The following CNTF variants were observed in gnomAD, a reference collection of about 807,000 sequenced individuals.
CNTF encodes Ciliary Neuronotrophic Factor.
In CNTF, 14 loss-of-function variants were observed where a neutral mutation model predicts 13.0. That is an observed-to-expected ratio of 1.07 (90% CI 0.71 to 1.68). The LOEUF is 1.68. Ranked by LOEUF, CNTF falls within the 40% of genes most tolerant of loss-of-function variation. The probability of loss-of-function intolerance (pLI) is 0.00; values close to 1 mark genes in which losing one functional copy is unlikely to be tolerated. For synonymous variants in CNTF, 98 were observed against 92.4 expected, an observed-to-expected ratio of 1.06 and a Z score of -0.35; for missense variants, 283 against 252.5, an observed-to-expected ratio of 1.12 and a Z score of -0.82.
rs761817013 is a variant in CNTF, at chr11:58,622,790, G to A, written c.38G>A (p.Arg13His). The A allele has an allele frequency of 7.4e-6, 12 of 1,613,846 alleles. No homozygotes were observed. Among genetic ancestry groups the A allele is most frequent in the African/African-American group, 1.3e-5 (1 of 74,916 alleles). Residue 13 changes from arginine (R) to histidine (H), a missense_variant, in exon 1 of 2, where the codon CGT (arginine) becomes CAT (histidine). By Grantham distance (29) the Arg-to-His change is conservative. Transcript: ENST00000361987. ...FTEHSPLTPH[R>H]RDLCSRSIWL... is the part of the protein sequence containing the mutation. Reference sequence around the variant, plus strand: ...GAGCATTCACCGCTGACCCCTCACCGTCGGGACCTCTGTAGCCGCTCTATC... The same window carrying A: ...GAGCATTCACCGCTGACCCCTCACCATCGGGACCTCTGTAGCCGCTCTATC...
At position 58,624,321 on chromosome 11, in the gene CNTF, C is replaced by T; in HGVS notation, c.402C>T (p.Ile134=). The T allele has an allele frequency of 1.2e-6, 2 of 1,613,752 alleles. No individual in the cohort carries two copies. The highest frequency in any genetic ancestry group is 1.6e-4 in the Middle Eastern group (1 of 6,062). The stretch of plus-strand genomic sequence containing the variant: ...TAATGATACTCCTGGAATACAAGAT[C>T]CCCCGCAATGAGGCTGATGGGATGC... ...EELMILLEYK[I]PRNEADGMPI... is the part of the protein sequence containing the mutation. The change falls in exon 2 of 2, where the codon ATC becomes ATT. Residue 134 remains isoleucine, a synonymous_variant. Transcript: ENST00000361987.
chr11:58,622,876 C>T lies in CNTF; in HGVS notation c.114+10C>T, dbSNP rs1339722085. The T allele has an allele frequency of 1.3e-6, 2 of 1,595,376 alleles. No individual in the cohort carries two copies. Among genetic ancestry groups the T allele is most frequent in the African/African-American group, 1.3e-5 (1 of 74,532 alleles). On this transcript the variant is annotated intron_variant, in intron 1 of 1. Coordinates refer to ENST00000361987, the MANE Select transcript of CNTF (RefSeq NM_000614.4). ...TCTTACGGAATCCTATGTAAGTTGCCTATTTTGCTGTTATCTGTTTTCCCT... is the reference window on the plus strand; with the variant it reads ...TCTTACGGAATCCTATGTAAGTTGCTTATTTTGCTGTTATCTGTTTTCCCT...
At chr11:58,623,970 G>A (rs1855889026) in intron 1 of CNTF, 64 bp from the exon 2 acceptor site, 1 of 1,565,070 alleles carries the variant, frequency 6.4e-7, no homozygotes. Flanking sequence ...ATGAAATTTA[G>A]GGGTGATTTA....
chr11:58,623,973 G>T, intron 1 of CNTF, 61 bp from the exon 2 acceptor site: 2 of 1,568,230 alleles, frequency 1.3e-6, no homozygotes, highest in South Asian at 1.2e-5. Context: ...AAATTTAGGG[G>T]TGATTTAAGG....
intron 1 of CNTF, 109 bp from the exon 2 acceptor site, chr11:58,623,925 T>TG (rs1855888581): frequency 1.4e-6 from 2 of 1,447,270 alleles, no homozygotes; most frequent in South Asian, 2.7e-5. Context: ...CTTTACAACT[T>TG]GGATCCTTGG....
In CNTF at chr11:58,624,461, C is replaced by G. The variant is rs1327462471; in HGVS notation, c.542C>G (p.Ser181Cys). 6.2e-7 allele frequency: 1 copy of G among 1,614,008 alleles called. No individual in the cohort carries two copies. Among genetic ancestry groups the G allele is most frequent in the Admixed American group, 1.7e-5 (1 of 60,006 alleles). ...ATCCATGACCTTCGTTTCATTTCTT[C>G]TCATCAGACTGGGATCCCAGCACGT... is the stretch of plus-strand genomic sequence containing the variant. ...RSIHDLRFIS[S>C]HQTGIPARGS... Residue 181 changes from serine (S) to cysteine (C), a missense_variant, in exon 2 of 2, where the codon TCT becomes TGT. Ser to Cys is a moderately radical substitution (Grantham distance 112). Coordinates refer to ENST00000361987, the MANE Select transcript of CNTF (RefSeq NM_000614.4).
In CNTF at chr11:58,625,135, A is replaced by G. The variant is rs564229572; in HGVS notation, c.*613A>G. The G allele has an allele frequency of 6.5e-6, 1 of 153,186 alleles. No homozygotes were observed. The highest frequency in any genetic ancestry group is 2.1e-4 in the South Asian group (1 of 4,878). 9.5% of individuals were successfully genotyped at this position (153,186 alleles called of 1,614,324 possible). A position where few individuals can be genotyped will look rare whatever the true frequency, so the allele number is the denominator to read the frequency against. On this transcript the variant is annotated 3_prime_UTR_variant, in exon 2 of 2. Coordinates refer to ENST00000361987, the MANE Select transcript of CNTF (RefSeq NM_000614.4). ...CTCACAGAGATTTGGTTAAGCTCAC[A>G]CAGCTAACAAGTAGCACACTGAGTT... is the stretch of plus-strand genomic sequence containing the variant.
rs201519587 is a variant in CNTF at position 58,622,791 on chromosome 11, T to C, written c.39T>C (p.Arg13=). Reference sequence around the variant, plus strand: ...AGCATTCACCGCTGACCCCTCACCGTCGGGACCTCTGTAGCCGCTCTATCT... The same window carrying C: ...AGCATTCACCGCTGACCCCTCACCGCCGGGACCTCTGTAGCCGCTCTATCT... ...FTEHSPLTPH[R]RDLCSRSIWL... Residue 13 remains arginine (R), a synonymous_variant, in exon 1 of 2, where the codon CGT becomes CGC. Transcript: ENST00000361987. The C allele has an allele frequency of 3.3e-5, 54 of 1,614,016 alleles. No homozygotes were observed. The highest frequency in any genetic ancestry group is 6.7e-5 in the Admixed American group (4 of 60,008).
At chr11:58,623,888 G>T in intron 1 of CNTF, 146 bp from the exon 2 acceptor site, 1 of 1,056,780 alleles carries the variant, frequency 9.5e-7, no homozygotes, top group Non-Finnish European at 1.3e-6. Context: ...CCCAAATTAA[G>T]AGTTCCTACT....
rs1213707622 is a variant in CNTF at position 58,622,716 on chromosome 11, C to G, written c.-37C>G. ...TGGACCAGTATAGACAGAAGTAAAC[C>G]CAGCTGACTTGTTTCCTGGGACAGT... On this transcript the variant is annotated 5_prime_UTR_variant, in exon 1 of 2. Transcript: ENST00000361987. 4 of 1,481,582 alleles carry G rather than the reference C, an allele frequency of 2.7e-6. No individual in the cohort carries two copies. 91.8% of individuals were successfully genotyped at this position (1,481,582 alleles called of 1,614,324 possible).
At position 58,622,709 on chromosome 11, in the gene CNTF, A is replaced by T. The variant is rs764096705; in HGVS notation, c.-44A>T. ...TCTTATTTGGACCAGTATAGACAGA[A>T]GTAAACCCAGCTGACTTGTTTCCTG... On this transcript the variant is annotated 5_prime_UTR_variant, in exon 1 of 2. In the 5' UTR this introduces an upstream ATG that the reference lacks. Transcript: ENST00000361987. 5.0e-5 allele frequency: 71 copies of T among 1,415,284 alleles called. No homozygotes were observed. The highest frequency in any genetic ancestry group is 6.0e-5 in the Non-Finnish European group (60 of 1,001,032). 87.7% of individuals were successfully genotyped at this position (1,415,284 alleles called of 1,614,324 possible). A position where few individuals can be genotyped will look rare whatever the true frequency, so the allele number is the denominator to read the frequency against.
chr11:58,623,883 A>AT, intron 1 of CNTF, 151 bp from the exon 2 acceptor site: 1 of 1,027,722 alleles, frequency 9.7e-7, no homozygotes, highest in Non-Finnish European at 1.4e-6. Flanking sequence ...TAGAGCCCAA[A>AT]TTAAGAGTTC....
rs771265430 is a variant in CNTF, at chr11:58,624,249, T to TA, written c.331dup (p.Thr111AsnfsTer28). 1.9e-6 allele frequency: 3 copies of TA among 1,613,968 alleles called. No individual in the cohort carries two copies. Among genetic ancestry groups the TA allele is most frequent in the Non-Finnish European group, 2.5e-6 (3 of 1,179,992 alleles). On this transcript the variant is annotated frameshift_variant, in exon 2 of 2. Coordinates refer to ENST00000361987, the MANE Select transcript of CNTF (RefSeq NM_000614.4). LOFTEE classifies it high-confidence loss of function. ...AAGGTGACTTCCATCAAGCTATACA[T>TA]ACCCTTCTTCTCCAAGTCGCTGCCT... is the stretch of plus-strand genomic sequence containing the variant.
intron 1 of CNTF, among the ~76,000 whole-genome samples, chr11:58,623,804 A>G (rs1855886785): frequency 2.0e-5 from 3 of 152,220 alleles, no homozygotes; most frequent in Admixed American, 2.0e-4. Context: ...TAAAATCTGA[A>G]CATTCTTCTA....
In CNTF at chr11:58,624,488, G is replaced by A. The variant is rs370578239; in HGVS notation, c.569G>A (p.Gly190Glu). The change falls in exon 2 of 2, where the codon GGG becomes GAG. Residue 190 changes from glycine (G) to glutamate (E), a missense_variant. Gly to Glu is a moderately conservative substitution (Grantham distance 98). Transcript: ENST00000361987. ...CATCAGACTGGGATCCCAGCACGTG[G>A]GAGCCATTATATTGCTAACAACAAG... Reference protein sequence around the residue: ...SSHQTGIPARGSHYIANNKKM With the variant: ...SSHQTGIPARESHYIANNKKM The A allele has an allele frequency of 1.2e-5, 20 of 1,613,892 alleles. No homozygotes were observed. The African/African-American group carries it at 2.4e-4, about 19-fold the overall frequency.
At position 58,622,789 on chromosome 11, in the gene CNTF, C is replaced by T. The variant is rs777362153; in HGVS notation, c.37C>T (p.Arg13Cys). The T allele has an allele frequency of 1.0e-4, 169 of 1,613,852 alleles. No homozygotes were observed. The highest frequency in any genetic ancestry group is 2.2e-4 in the Admixed American group (13 of 59,984). ...AGAGCATTCACCGCTGACCCCTCAC[C>T]GTCGGGACCTCTGTAGCCGCTCTAT... is the stretch of plus-strand genomic sequence containing the variant. ...FTEHSPLTPH[R>C]RDLCSRSIWL... Residue 13 changes from arginine (R) to cysteine (C), a missense_variant, in exon 1 of 2, where the codon CGT becomes TGT. Physicochemically the swap from Arg to Cys is radical, Grantham distance 180. Coordinates refer to ENST00000361987, the MANE Select transcript of CNTF (RefSeq NM_000614.4).
Position 58,624,072 on chromosome 11 carries a change from C to T in CNTF, c.153C>T (p.Asp51=). The T allele has an allele frequency of 6.2e-7, 1 of 1,611,748 alleles. No homozygotes were observed. The highest frequency in any genetic ancestry group is 8.5e-7 in the Non-Finnish European group (1 of 1,178,828). The change falls in exon 2 of 2, where the codon GAC becomes GAT. Residue 51 remains aspartate (D), a synonymous_variant. Coordinates refer to ENST00000361987, the MANE Select transcript of CNTF (RefSeq NM_000614.4). ...HQGLNKNINL[D]SADGMPVAST... ...GCCTGAACAAGAACATCAACCTGGA[C>T]TCTGCGGATGGGATGCCAGTGGCAA...
chr11:58,625,535 C>G lies in CNTF; in HGVS notation c.*1013C>G, dbSNP rs1454304878. On this transcript the variant is annotated 3_prime_UTR_variant, in exon 2 of 2. Coordinates refer to ENST00000361987, the MANE Select transcript of CNTF (RefSeq NM_000614.4). ...TTGGGCACGGCTTATACCAGGTTAC[C>G]TCACTTTTAATTAGTGATGCAGGCA... The G allele has an allele frequency of 6.6e-6, 1 of 151,992 alleles. No homozygotes were observed. The highest frequency in any genetic ancestry group is 2.4e-5 in the African/African-American group (1 of 41,260). 9.4% of individuals were successfully genotyped at this position (151,992 alleles called of 1,614,324 possible). A position where few individuals can be genotyped will look rare whatever the true frequency, so the allele number is the denominator to read the frequency against.
rs766959317 is a variant in CNTF at position 58,624,090 on chromosome 11, A to G, written c.171A>G (p.Pro57=). Residue 57 remains proline (P), a synonymous_variant, in exon 2 of 2, where the codon CCA becomes CCG. Coordinates refer to ENST00000361987, the MANE Select transcript of CNTF (RefSeq NM_000614.4). ...ACCTGGACTCTGCGGATGGGATGCCAGTGGCAAGCACTGATCAGTGGAGTG... is the reference window on the plus strand; with the variant it reads ...ACCTGGACTCTGCGGATGGGATGCCGGTGGCAAGCACTGATCAGTGGAGTG... ...NINLDSADGM[P]VASTDQWSEL... is the part of the protein sequence containing the mutation. The G allele has an allele frequency of 4.3e-6, 7 of 1,611,588 alleles. No homozygotes were observed. The highest frequency in any genetic ancestry group is 5.9e-6 in the Non-Finnish European group (7 of 1,178,738).
Sources: gnomAD v4.1 joint callset for allele counts (sites outside exome capture counted in the v4.1 genomes callset) on GRCh38, gnomAD v4.1.1 for gene constraint, MANE v1.5 for transcripts, NCBI Gene and HGNC (gene_info 2026-07-23, HGNC 2026-07-21) for gene names.